The following ZNF593OS variants were observed in gnomAD, a reference collection of about 807,000 sequenced individuals.
The protein encoded by ZNF593OS is transmembrane protein ZNF593OS.
downstream of ZNF593OS, chr1:26,169,937 T>C: frequency 2.7e-6 from 4 of 1,500,982 alleles, no homozygotes; most frequent in Non-Finnish European, 3.5e-6. Context: ...ACACGTGTGC[T>C]CCCTGCCCTG....
At chr1:26,169,883 C>T, downstream of ZNF593OS, 1 of 1,272,626 alleles carries the variant, frequency 7.9e-7, no homozygotes, top group Non-Finnish European at 1.0e-6. Context: ...GCCTGCCTAG[C>T]CCCCCGGCGT....
chr1:26,170,145 C>G (rs1250487605), downstream of ZNF593OS: 6 of 1,572,270 alleles, frequency 3.8e-6, no homozygotes, highest in Non-Finnish European at 5.2e-6. Context: ...TCGACCCCGA[C>G]CTGCCAGGGG....
chr1:26,170,453 A>G (rs1353928692), downstream of ZNF593OS: 23 of 1,614,016 alleles, frequency 1.4e-5, no homozygotes, highest in Non-Finnish European at 1.9e-5. Flanking sequence ...CTGAAGACCC[A>G]CTTCCGATCC....
chr1:26,171,810 C>T lies in ZNF593OS; in HGVS notation c.-149G>A. 1 of 396,170 alleles carries T rather than the reference C, an allele frequency of 2.5e-6. No individual in the cohort carries two copies. The allele number at this position is 396,170 out of a possible 1,614,324, so 24.5% of individuals were successfully genotyped here. A position where few individuals can be genotyped will look rare whatever the true frequency, so the allele number is the denominator to read the frequency against. ...GACCCAAGCTCTCAGAGGATGCTCA[C>T]CCGCGCCTGCCTGCCCAGGTCTGGC... On this transcript the variant is annotated 5_prime_UTR_variant, in exon 1 of 2. The change creates a new upstream start codon in the 5' untranslated region. Coordinates refer to ENST00000648649, the Ensembl canonical transcript of ZNF593OS. The surrounding 1 kb of genome is among the most constrained non-coding windows in gnomAD (Gnocchi z 5.5).
chr1:26,169,800 C>T, downstream of ZNF593OS: 1 of 636,836 alleles, frequency 1.6e-6, no homozygotes. Flanking sequence ...AGCTCGGTCA[C>T]TGACGTCGAC....
chr1:26,170,642 T>C (rs771716445), exon 2 of ZNF593OS: 6 of 1,613,002 alleles, frequency 3.7e-6, no homozygotes, highest in South Asian at 3.3e-5. Flanking sequence ...TATGGGATCC[T>C]ATGTGCCCCC....
At chr1:26,170,699 A>T (rs766469680) in exon 2 of ZNF593OS, 23 of 1,607,564 alleles carry the variant, frequency 1.4e-5, no homozygotes, top group Non-Finnish European at 1.9e-5. Flanking sequence ...GGTCCCTGAG[A>T]TGGATACCTC....
rs2088500107 is a variant in ZNF593OS at position 26,171,804 on chromosome 1, T to C, written c.-143A>G. ...ACGCAAGACCCAAGCTCTCAGAGGA[T>C]GCTCACCCGCGCCTGCCTGCCCAGG... On this transcript the variant is annotated 5_prime_UTR_variant, in exon 1 of 2. Transcript: ENST00000648649. The surrounding 1 kb of genome is among the most constrained non-coding windows in gnomAD (Gnocchi z 5.5). The C allele has an allele frequency of 2.5e-6, 1 of 396,756 alleles. No individual in the cohort carries two copies. The highest frequency in any genetic ancestry group is 3.6e-5 in the East Asian group (1 of 27,980). 24.6% of individuals were successfully genotyped at this position (396,756 alleles called of 1,614,324 possible).
chr1:26,170,541 G>C (rs376395290), exon 2 of ZNF593OS: 35 of 1,613,974 alleles, frequency 2.2e-5, no homozygotes, highest in Non-Finnish European at 3.0e-5. Context: ...CTCTCACCTG[G>C]TCAGCTCCCA....
At chr1:26,170,526 T>G in exon 2 of ZNF593OS, 1 of 1,614,160 alleles carries the variant, frequency 6.2e-7, no homozygotes, top group Non-Finnish European at 8.5e-7. Flanking sequence ...GCTCAGCAGA[T>G]AGGGCTCTCA....
chr1:26,170,220 G>A (rs1388641849), downstream of ZNF593OS: 1 of 1,581,050 alleles, frequency 6.3e-7, no homozygotes, highest in Non-Finnish European at 8.6e-7. Flanking sequence ...GGCGGAGGAG[G>A]GTCCGCGGTA....
chr1:26,170,025 T>C, downstream of ZNF593OS: 10 of 1,568,600 alleles, frequency 6.4e-6, no homozygotes, highest in Non-Finnish European at 8.6e-6. Context: ...GAGCGCACTC[T>C]CTAGCCCGGC....
chr1:26,169,758 T>TTCA, downstream of ZNF593OS: 1 of 543,978 alleles, frequency 1.8e-6, no homozygotes, highest in African/African-American at 2.0e-5. Context: ...GGCCATGCCC[T>TTCA]TCAGTGGGCA....
chr1:26,170,667 T>C (rs2088487005), exon 2 of ZNF593OS: 5 of 1,611,314 alleles, frequency 3.1e-6, no homozygotes, highest in South Asian at 1.1e-5. Flanking sequence ...CGGCTGGCAG[T>C]GCCCACGGAA....
At chr1:26,170,962 G>A (rs989294717) in exon 2 of ZNF593OS, 5 of 592,822 alleles carry the variant, frequency 8.4e-6, no homozygotes, top group Non-Finnish European at 1.5e-5. Flanking sequence ...CAGGCCTAGG[G>A]TGTCTACTCC....
rs1040302220 is a variant in ZNF593OS, at chr1:26,171,657, C to T, written c.5G>A (p.Arg2Gln). 1.5e-5 allele frequency: 6 copies of T among 398,492 alleles called. No individual in the cohort carries two copies. Among genetic ancestry groups the T allele is most frequent in the African/African-American group, 6.2e-5 (3 of 48,582 alleles). The allele number at this position is 398,492 out of a possible 1,614,324, so 24.7% of individuals were successfully genotyped here. Residue 2 changes from arginine to glutamine, a missense_variant, in exon 1 of 2, where the codon CGA becomes CAA. By Grantham distance (43) the Arg-to-Gln change is conservative. Transcript: ENST00000648649. The surrounding 1 kb of genome is among the most constrained non-coding windows in gnomAD (Gnocchi z 5.5). The stretch of plus-strand genomic sequence containing the variant: ...GTAACCAGGGGTCAAGCGTCGAAAT[C>T]GCATGGTGGGCGGCACTGGTCTCCC...
chr1:26,170,631 G>T (rs536848535), exon 2 of ZNF593OS: 2 of 1,613,320 alleles, frequency 1.2e-6, no homozygotes, highest in Non-Finnish European at 8.5e-7. Context: ...AGGGCAGCGG[G>T]TATGGGATCC....
chr1:26,170,217 G>A (rs376951537), downstream of ZNF593OS: 4 of 1,580,228 alleles, frequency 2.5e-6, no homozygotes, highest in African/African-American at 5.4e-5. Context: ...TGGGGCGGAG[G>A]AGGGTCCGCG....
exon 2 of ZNF593OS, chr1:26,170,671 C>T (rs1477769189): frequency 3.7e-6 from 6 of 1,610,798 alleles, no homozygotes; most frequent in Non-Finnish European, 5.1e-6. Flanking sequence ...TGGCAGTGCC[C>T]ACGGAAGTGT....
Sources: gnomAD v4.1 joint callset for allele counts on GRCh38, gnomAD v4.1.1 for gene constraint, Gnocchi (gnomAD v3.1) non-coding constraint, MANE v1.5 for transcripts, NCBI Gene and HGNC (gene_info 2026-07-23, HGNC 2026-07-21) for gene names.